Variants in LRRC71 observed in about 807,000 individuals in gnomAD.
LRRC71 encodes the protein leucine rich repeat containing 71, also known as leucine-rich repeat-containing protein 71.
A neutral mutation model predicts 66.6 loss-of-function variants in LRRC71; 54 were observed. The observed-to-expected ratio is 0.81, with a 90% confidence interval of 0.65 to 1.02. LRRC71 has a LOEUF of 1.02. Ranked by LOEUF, LRRC71 falls within the 50% of genes least tolerant of loss-of-function variation. The pLI, the probability that LRRC71 is intolerant of heterozygous loss-of-function variation, is 0.00. For missense variants in LRRC71, 724 were observed against 718.0 expected, an observed-to-expected ratio of 1.01 and a Z score of -0.10; for synonymous variants, 323 against 303.9, an observed-to-expected ratio of 1.06 and a Z score of -0.65.
chr1:156,939,680 G>A, the LRRC71 span: 3 of 1,614,044 alleles, frequency 1.9e-6, no homozygotes, highest in Admixed American at 5.0e-5. Flanking sequence ...AGAGAACAGA[G>A]ACCCATGTCT....
chr1:156,924,203 G>T, intron 2 of LRRC71, 105 bp downstream of exon 2: 1 of 1,354,594 alleles, frequency 7.4e-7, no homozygotes, highest in Non-Finnish European at 1.0e-6. Flanking sequence ...CGGTGTGTGT[G>T]TGTGAGTCGG....
At chr1:156,924,807 A>T in intron 4 of LRRC71, 89 bp downstream of exon 4, 1 of 1,468,558 alleles carries the variant, frequency 6.8e-7, no homozygotes, top group Non-Finnish European at 9.3e-7. Context: ...GGCATGGGAG[A>T]CCCTGGCGAC....
At chr1:156,932,717 G>A in intron 14 of LRRC71, 136 bp from the exon 15 acceptor site, 1 of 1,540,528 alleles carries the variant, frequency 6.5e-7, no homozygotes. Flanking sequence ...TGGAAAATCA[G>A]CAGTATTAAT....
chr1:156,933,084 CT>C lies in LRRC71; in HGVS notation c.*119del. The C allele has an allele frequency of 1.4e-6, 1 of 718,594 alleles. No homozygotes were observed. Among genetic ancestry groups the C allele is most frequent in the Non-Finnish European group, 2.3e-6 (1 of 436,502 alleles). The allele number at this position is 718,594 out of a possible 1,614,324, so 44.5% of individuals were successfully genotyped here. ...ACCAATAACAAAGTCTGTTGCTATA[CT>C]TTTCCTTGAGGTCGTCTGAAAACTT... On this transcript the variant is annotated 3_prime_UTR_variant, in exon 15 of 15. Transcript: ENST00000337428.
At chr1:156,926,555 T>G (rs1653226274) in intron 5 of LRRC71, among the ~76,000 whole-genome samples, 1 of 144,376 alleles carries the variant, frequency 6.9e-6, no homozygotes, top group African/African-American at 2.6e-5. Context: ...GTCACTTATT[T>G]CCCTCCACCC....
downstream of LRRC71, among the ~76,000 whole-genome samples, chr1:156,934,425 C>A (rs942849283): frequency 6.6e-6 from 1 of 152,078 alleles, no homozygotes; most frequent in Non-Finnish European, 1.5e-5. Flanking sequence ...CCTGAGGCAA[C>A]CCTCCCACTT....
chr1:156,932,683 CAACAT>C lies in LRRC71; in HGVS notation c.1563+142_1563+146del, dbSNP rs759330260. 1.1e-5 allele frequency: 17 copies of C among 1,580,474 alleles called. No individual in the cohort carries two copies. In the East Asian group the frequency reaches 1.6e-4, roughly 15 times the overall value. The stretch of plus-strand genomic sequence containing the variant: ...TTTCTCTGCTTCTTTTTAATAATCA[CAACAT>C]AACCTCCATTCCTCTTGCTGGAAAA... On this transcript the variant is annotated intron_variant, in intron 14 of 14. Coordinates refer to ENST00000337428, the MANE Select transcript of LRRC71 (RefSeq NM_144702.3).
downstream of LRRC71, among the ~76,000 whole-genome samples, chr1:156,936,491 AAAAAAAAT>A (rs1464131515): frequency 1.3e-4 from 9 of 71,386 alleles, no homozygotes; most frequent in African/African-American, 4.2e-4. Context: ...AAAAAAAAAA[AAAAAAAAT>A]ATATATATAT....
chr1:156,928,366 TTC>T (rs1653609885), intron 9 of LRRC71, among the ~76,000 whole-genome samples: 1 of 70,910 alleles, frequency 1.4e-5, no homozygotes, highest in South Asian at 5.0e-4. Context: ...CTTCTTCCTC[TTC>T]TTCTTCTTCT....
At chr1:156,923,671 G>T (rs1386142852) in intron 1 of LRRC71, among the ~76,000 whole-genome samples, 1 of 152,218 alleles carries the variant, frequency 6.6e-6, no homozygotes, top group Admixed American at 6.5e-5. Flanking sequence ...TGGAGAGCAG[G>T]GGTGGCAGTC....
intron 9 of LRRC71, among the ~76,000 whole-genome samples, chr1:156,928,411 T>TTCTTCTTCTTCTTCC (rs1653667357): frequency 8.2e-6 from 1 of 122,372 alleles, no homozygotes. Flanking sequence ...CTTCTTCCTC[T>TTCTTCTTCTTCTTCC]TATTCCTCCT....
chr1:156,938,712 A>G, the LRRC71 span: 1 of 519,028 alleles, frequency 1.9e-6, no homozygotes, highest in South Asian at 2.9e-5. Context: ...CGAGAGACAG[A>G]GAAGGAAGGT....
At chr1:156,937,048 T>TA (rs1557809956), downstream of LRRC71, 2 of 1,598,472 alleles carry the variant, frequency 1.3e-6, no homozygotes, top group African/African-American at 2.7e-5. Flanking sequence ...GTCCTTCTAT[T>TA]CCTAAGGCCC....
chr1:156,940,522 T>C, the LRRC71 span: 53 of 1,101,380 alleles, frequency 4.8e-5, no homozygotes, highest in Admixed American at 1.0e-4. Context: ...CTGGGAACAC[T>C]GACTTATTCT....
At chr1:156,936,133 C>G (rs763573365), downstream of LRRC71, 1 of 1,457,238 alleles carries the variant, frequency 6.9e-7, no homozygotes, top group Non-Finnish European at 9.6e-7. Context: ...CTAGAAAGTT[C>G]AGGCTCACGA....
chr1:156,938,276 C>A, the LRRC71 span: 1 of 716,052 alleles, frequency 1.4e-6, no homozygotes. Flanking sequence ...GTCTTTAGAG[C>A]CAGATCTTCC....
At chr1:156,927,310 C>A in intron 6 of LRRC71, 40 bp downstream of exon 6, 5 of 1,601,206 alleles carry the variant, frequency 3.1e-6, no homozygotes, top group Non-Finnish European at 2.6e-6. Flanking sequence ...CTGGGCCTGT[C>A]TCGAAATTCC....
At chr1:156,921,942 G>C (rs1024783346) in intron 1 of LRRC71, among the ~76,000 whole-genome samples, 2 of 152,166 alleles carry the variant, frequency 1.3e-5, no homozygotes, top group Non-Finnish European at 2.9e-5. Context: ...AAGAGTTGGC[G>C]AAGGACTGGA....
At chr1:156,925,048 A>G in intron 5 of LRRC71, 33 bp downstream of exon 5, 1 of 1,548,134 alleles carries the variant, frequency 6.5e-7, no homozygotes, top group Non-Finnish European at 8.7e-7. Flanking sequence ...TGTGCCTGGG[A>G]AGCCTGGCTG....
Sources: gnomAD v4.1 joint callset for allele counts (sites outside exome capture counted in the v4.1 genomes callset) on GRCh38, gnomAD v4.1.1 for gene constraint, MANE v1.5 for transcripts, NCBI Gene and HGNC (gene_info 2026-07-23, HGNC 2026-07-21) for gene names.